PTPRU: variants seen among roughly 807,000 people sequenced by gnomAD.
PTPRU encodes the protein protein tyrosine phosphatase receptor type U.
A neutral mutation model predicts 166.3 loss-of-function variants in PTPRU; 69 were observed. The ratio of observed to expected loss-of-function variants is 0.41; its 90% CI spans 0.34 to 0.51. The LOEUF is 0.51. Among genes scored for constraint, PTPRU ranks in the 20% least tolerant of loss-of-function variants. PTPRU has a pLI of 0.09. For missense variants in PTPRU, 1,657 were observed against 2,013.7 expected (o/e 0.82, Z 3.39); for synonymous variants, 793 against 814.0 (o/e 0.97, Z 0.44).
At chr1:29,250,889 T>C (rs1406353560) in intron 1 of PTPRU, among the ~76,000 whole-genome samples, 1 of 152,190 alleles carries the variant, frequency 6.6e-6, no homozygotes, top group African/African-American at 2.4e-5. Flanking sequence ...GAGCTAGAAC[T>C]GGGTCTGGCC....
intron 18 of PTPRU, chr1:29,305,652 G>A: frequency 2.7e-6 from 2 of 730,924 alleles, no homozygotes; most frequent in Non-Finnish European, 5.0e-6. Context: ...GAGATGAGGT[G>A]CTTTAGAGAA....
intron 18 of PTPRU, among the ~76,000 whole-genome samples, chr1:29,310,184 A>C (rs1438652991): frequency 2.6e-5 from 4 of 152,148 alleles, no homozygotes; most frequent in African/African-American, 4.8e-5. Flanking sequence ...ATTTTATCCA[A>C]GGGCCATGAG....
At chr1:29,244,236 C>T (rs1684186527) in intron 1 of PTPRU, among the ~76,000 whole-genome samples, 1 of 152,076 alleles carries the variant, frequency 6.6e-6, no homozygotes. Flanking sequence ...AAAACCGCAG[C>T]ACACTGTCAG....
At chr1:29,293,414 T>C (rs1686735204) in intron 15 of PTPRU, among the ~76,000 whole-genome samples, 1 of 151,712 alleles carries the variant, frequency 6.6e-6, no homozygotes, top group Non-Finnish European at 1.5e-5. Context: ...CGTGAGTCAC[T>C]GTGCCCAGCC....
Position 29,236,595 on chromosome 1 carries a change from G to C in PTPRU, c.-50G>C, listed in dbSNP as rs533411359. The stretch of plus-strand genomic sequence containing the variant: ...GCCTCGGGCTGGGCTCGGGCTCCGG[G>C]GGCGGCGTCCCCCGCGCCGGGCCCC... On this transcript the variant is annotated 5_prime_UTR_variant, in exon 1 of 30. Transcript: ENST00000373779. This position sits in a 1 kb window ranked among gnomAD's most constrained non-coding sequence, Gnocchi z 4.6. The C allele has an allele frequency of 1.5e-3, 1,800 of 1,200,824 alleles. 35 individuals carry two copies. In the Admixed American group the frequency reaches 0.044, roughly 29 times the overall value. 74.4% of individuals were successfully genotyped at this position (1,200,824 alleles called of 1,614,324 possible).
intron 18 of PTPRU, among the ~76,000 whole-genome samples, chr1:29,306,339 G>A (rs535535402): frequency 2.6e-5 from 4 of 152,336 alleles, no homozygotes; most frequent in Non-Finnish European, 4.4e-5. Context: ...ATTTAATCAC[G>A]TATGAAATAT....
chr1:29,283,443 C>G (rs189538186), intron 12 of PTPRU, among the ~76,000 whole-genome samples: 1 of 152,066 alleles, frequency 6.6e-6, no homozygotes, highest in East Asian at 1.9e-4. Context: ...TATCCAGGTC[C>G]CCAGTCTAGT....
chr1:29,316,999 G>T (rs1312378429), intron 24 of PTPRU, among the ~76,000 whole-genome samples: 1 of 152,168 alleles, frequency 6.6e-6, no homozygotes. Context: ...CAGGGTTCCT[G>T]CAGTGGCTCA....
intron 18 of PTPRU, 150 bp downstream of exon 18, chr1:29,305,578 C>T (rs2151964161): frequency 1.2e-6 from 1 of 855,326 alleles, no homozygotes; most frequent in Non-Finnish European, 2.0e-6. Flanking sequence ...CCAGGGAGCT[C>T]AGAGGAGGGA....
rs551690133 is a variant in PTPRU at position 29,236,552 on chromosome 1, C to T, written c.-93C>T. The T allele has an allele frequency of 4.0e-6, 4 of 1,004,192 alleles. No homozygotes were observed. Among genetic ancestry groups the T allele is most frequent in the South Asian group, 9.6e-5 (2 of 20,756 alleles). 62.2% of individuals were successfully genotyped at this position (1,004,192 alleles called of 1,614,324 possible). A position where few individuals can be genotyped will look rare whatever the true frequency, so the allele number is the denominator to read the frequency against. On this transcript the variant is annotated 5_prime_UTR_variant, in exon 1 of 30. Transcript: ENST00000373779. This position sits in a 1 kb window ranked among gnomAD's most constrained non-coding sequence, Gnocchi z 4.6. Reference sequence around the variant, plus strand: ...CGCTCCGCGCCGCGCCGCTCCGCTCCGGCTCGGGCTCCGGCTCGCCTCGGG... The same window carrying T: ...CGCTCCGCGCCGCGCCGCTCCGCTCTGGCTCGGGCTCCGGCTCGCCTCGGG...
At chr1:29,274,639 A>G (rs1224296261) in intron 7 of PTPRU, among the ~76,000 whole-genome samples, 1 of 152,200 alleles carries the variant, frequency 6.6e-6, no homozygotes, top group African/African-American at 2.4e-5. Flanking sequence ...ATTACTATAC[A>G]TTGTTTCAGA....
At chr1:29,239,794 A>G (rs1252236113) in intron 1 of PTPRU, among the ~76,000 whole-genome samples, 2 of 151,836 alleles carry the variant, frequency 1.3e-5, no homozygotes, top group Non-Finnish European at 2.9e-5. Flanking sequence ...GTCCTCAGCT[A>G]TCTTTCACCT....
chr1:29,260,405 G>C lies in PTPRU; in HGVS notation c.851-205G>C. ...AGAGGGGTTGTGGGCTGATGGGCGA[G>C]GGCGGGGTCAGCCTTTGGAGCCAGG... On this transcript the variant is annotated intron_variant, in intron 6 of 29. Coordinates refer to ENST00000373779, the MANE Select transcript of PTPRU (RefSeq NM_133178.4). The surrounding 1 kb of genome is among the most constrained non-coding windows in gnomAD (Gnocchi z 8.3). 1 of 499,288 alleles carries C rather than the reference G, an allele frequency of 2.0e-6. No homozygotes were observed. Among genetic ancestry groups the C allele is most frequent in the Non-Finnish European group, 3.4e-6 (1 of 291,908 alleles). 30.9% of individuals were successfully genotyped at this position (499,288 alleles called of 1,614,324 possible).
At chr1:29,249,640 TG>T (rs2151941471) in intron 1 of PTPRU, among the ~76,000 whole-genome samples, 1 of 152,288 alleles carries the variant, frequency 6.6e-6, no homozygotes, top group East Asian at 1.9e-4. Flanking sequence ...TGCACCTCTC[TG>T]AGTGTGATTG....
In PTPRU at chr1:29,269,246, A is replaced by ATTTT. The variant is rs1175870568; in HGVS notation, c.1145-6176_1145-6173dup. Among the ~76,000 whole-genome samples the ATTTT allele has an allele frequency of 7.3e-3, 151 of 20,594 alleles. 37 individuals are homozygous for ATTTT. The highest frequency in any genetic ancestry group is 0.013 in the Non-Finnish European group (132 of 9,990). The allele number at this position is 20,594 out of a possible 152,430, so 13.5% of individuals were successfully genotyped here. A position where few individuals can be genotyped will look rare whatever the true frequency, so the allele number is the denominator to read the frequency against. On this transcript the variant is annotated intron_variant, in intron 7 of 29. Transcript: ENST00000373779. ...TATATATATATATATATATATATAT[A>ATTTT]TTTTTTTTTTTTTTTTTTTTTTTTT... is the stretch of plus-strand genomic sequence containing the variant.
intron 28 of PTPRU, 60 bp from the exon 29 acceptor site, chr1:29,325,131 C>G: frequency 6.2e-7 from 1 of 1,603,536 alleles, no homozygotes; most frequent in Non-Finnish European, 8.5e-7. Context: ...GGTTCCCTGG[C>G]CCTTTTCTTA....
chr1:29,244,367 G>A (rs1363158440), intron 1 of PTPRU, among the ~76,000 whole-genome samples: 1 of 151,964 alleles, frequency 6.6e-6, no homozygotes, highest in African/African-American at 2.4e-5. Flanking sequence ...GGCGGTATTG[G>A]GGGAACAACT....
intron 24 of PTPRU, among the ~76,000 whole-genome samples, chr1:29,316,775 A>G (rs1456872174): frequency 6.6e-6 from 1 of 152,180 alleles, no homozygotes; most frequent in Admixed American, 6.5e-5. Context: ...ACAGTCCTAG[A>G]TCAGACTTTC....
At chr1:29,268,584 T>G (rs113715283) in intron 7 of PTPRU, among the ~76,000 whole-genome samples, 53 of 152,326 alleles carry the variant, frequency 3.5e-4, no homozygotes, top group African/African-American at 1.3e-3. Context: ...AAAGAGGAGT[T>G]GGAAAGCCTG....
Sources: allele counts gnomAD v4.1 joint callset (sites outside exome capture counted in the v4.1 genomes callset), GRCh38; gene constraint gnomAD v4.1.1; non-coding constraint Gnocchi (gnomAD v3.1); transcripts MANE v1.5; gene names NCBI Gene and HGNC (gene_info 2026-07-23, HGNC 2026-07-21).